The following PPHLN1 variants were observed in gnomAD, a reference collection of about 807,000 sequenced individuals.
PPHLN1 encodes the protein periphilin 1.
In PPHLN1, 29 loss-of-function variants were observed where a neutral mutation model predicts 51.3. The observed-to-expected ratio is 0.57, with a 90% CI of 0.42 to 0.77. The LOEUF (loss-of-function observed/expected upper bound fraction) is 0.77, where lower values mean the gene tolerates loss of function less well. Ranked by LOEUF, PPHLN1 falls within the 30% of genes least tolerant of loss-of-function variation. The probability of loss-of-function intolerance (pLI) is 0.00; values close to 1 mark genes in which losing one functional copy is unlikely to be tolerated. For missense variants in PPHLN1, 436 were observed against 438.4 expected (o/e 0.99, Z 0.05); for synonymous variants, 147 against 147.8 (o/e 0.99, Z 0.04).
chr12:42,342,110 C>T (rs1347933249), intron 2 of PPHLN1, among the ~76,000 whole-genome samples: 1 of 152,192 alleles, frequency 6.6e-6, no homozygotes, highest in Non-Finnish European at 1.5e-5. Flanking sequence ...AGAATATCTA[C>T]ACTTCTAGGT....
At chr12:42,430,430 A>G (rs977712656) in intron 9 of PPHLN1, among the ~76,000 whole-genome samples, 4 of 152,208 alleles carry the variant, frequency 2.6e-5, no homozygotes, top group African/African-American at 9.6e-5. Flanking sequence ...TGACCTATCA[A>G]TAACATAGTC....
At chr12:42,433,498 AT>A in intron 9 of PPHLN1, 1 of 234,530 alleles carries the variant, frequency 4.3e-6, no homozygotes, top group Non-Finnish European at 8.4e-6. Context: ...AATTTTTTCT[AT>A]TTTTTAGTAG....
intron 1 of PPHLN1, among the ~76,000 whole-genome samples, chr12:42,334,843 A>G (rs1235914522): frequency 6.6e-6 from 1 of 152,192 alleles, no homozygotes; most frequent in Non-Finnish European, 1.5e-5. Context: ...AGAAGTTGTG[A>G]AGCTACTGCC....
chr12:42,385,222 T>C (rs1422429692), intron 6 of PPHLN1, among the ~76,000 whole-genome samples: 1 of 152,200 alleles, frequency 6.6e-6, no homozygotes, highest in Non-Finnish European at 1.5e-5. Flanking sequence ...CTGAGATCTG[T>C]AGAATAGACA....
intron 9 of PPHLN1, among the ~76,000 whole-genome samples, chr12:42,417,934 T>G (rs1378797755): frequency 4.9e-5 from 2 of 40,792 alleles, no homozygotes; most frequent in African/African-American, 9.0e-5. Context: ...TTTTTTTTGT[T>G]TTTTTTTTGT....
At chr12:42,422,556 T>C (rs1325742019) in intron 9 of PPHLN1, among the ~76,000 whole-genome samples, 1 of 152,246 alleles carries the variant, frequency 6.6e-6, no homozygotes, top group African/African-American at 2.4e-5. Context: ...CTTTCCCTGT[T>C]ATTCTTTCCT....
intron 9 of PPHLN1, among the ~76,000 whole-genome samples, chr12:42,414,770 C>A (rs970311713): frequency 6.6e-6 from 1 of 152,186 alleles, no homozygotes; most frequent in African/African-American, 2.4e-5. Context: ...CCCTTTATTT[C>A]TTTCGCTTGC....
At chr12:42,382,140 TA>T (rs1283140728) in intron 5 of PPHLN1, among the ~76,000 whole-genome samples, 1 of 152,188 alleles carries the variant, frequency 6.6e-6, no homozygotes, top group African/African-American at 2.4e-5. Flanking sequence ...AGTGTATTTC[TA>T]AAAGATCCTG....
chr12:42,406,492 A>G (rs1048226369), intron 9 of PPHLN1, among the ~76,000 whole-genome samples: 1 of 152,202 alleles, frequency 6.6e-6, no homozygotes, highest in Non-Finnish European at 1.5e-5. Flanking sequence ...CATGTTATGT[A>G]TCTCCTTATG....
chr12:42,386,263 C>G (rs2077183279), intron 6 of PPHLN1, among the ~76,000 whole-genome samples: 1 of 152,194 alleles, frequency 6.6e-6, no homozygotes, highest in Non-Finnish European at 1.5e-5. Context: ...CCACTTGTGA[C>G]AGTCAAAAAT....
intron 9 of PPHLN1, among the ~76,000 whole-genome samples, chr12:42,417,943 G>GTTTTTTTTTT (rs371302578): frequency 2.9e-3 from 252 of 88,282 alleles, no homozygotes; most frequent in Non-Finnish European, 4.1e-3. Context: ...TTTTTTTTTT[G>GTTTTTTTTTT]TTTTTTTTTT....
intron 4 of PPHLN1, chr12:42,359,449 G>C (rs1360831171): frequency 6.6e-6 from 1 of 152,222 alleles, no homozygotes; most frequent in East Asian, 1.9e-4. Context: ...GCAGGGAATA[G>C]AGAGTATTTG....
intron 9 of PPHLN1, among the ~76,000 whole-genome samples, chr12:42,418,244 C>T (rs1473048851): frequency 1.6e-5 from 2 of 121,584 alleles, no homozygotes; most frequent in Non-Finnish European, 1.6e-5. Flanking sequence ...TTTTAATCAA[C>T]GCAGGAAATG....
intron 5 of PPHLN1, 180 bp downstream of exon 5, chr12:42,375,254 C>T (rs1261101449): frequency 4.0e-5 from 14 of 348,118 alleles, no homozygotes; most frequent in Non-Finnish European, 7.3e-5. Context: ...ACATTTTTTT[C>T]AAACTATTTG....
intron 8 of PPHLN1, among the ~76,000 whole-genome samples, chr12:42,394,897 G>T (rs767561654): frequency 5.3e-5 from 8 of 151,892 alleles, no homozygotes; most frequent in South Asian, 2.1e-4. Flanking sequence ...TGCTGCTTTG[G>T]AATATTGGTA....
chr12:42,423,839 G>C (rs1455314535), intron 9 of PPHLN1, among the ~76,000 whole-genome samples: 1 of 152,054 alleles, frequency 6.6e-6, no homozygotes, highest in Non-Finnish European at 1.5e-5. Context: ...ACCACACCCA[G>C]CTAATTTTTA....
At position 42,432,458 on chromosome 12, in the gene PPHLN1, A is replaced by C. The variant is rs1441466000; in HGVS notation, c.910-8857A>C. On this transcript the variant is annotated intron_variant, in intron 9 of 9. Coordinates refer to ENST00000358314, the MANE Select transcript of PPHLN1 (RefSeq NM_201439.2). The stretch of plus-strand genomic sequence containing the variant: ...TGGAATCATACTGTCTTCTCTGGGT[A>C]GTTTATTTTCACTGTCCCCTTCAAT... Among the ~76,000 whole-genome samples, 3 of 152,192 alleles carry C rather than the reference A, an allele frequency of 2.0e-5. No individual in the cohort carries two copies. In the East Asian group the frequency reaches 5.8e-4, roughly 29 times the overall value.
At chr12:42,431,823 A>T in intron 9 of PPHLN1, 1 of 1,344,460 alleles carries the variant, frequency 7.4e-7, no homozygotes, top group South Asian at 1.2e-5. Context: ...ATGCTCTTCA[A>T]TCACATATTT....
At chr12:42,346,586 G>C (rs376765518) in intron 2 of PPHLN1, among the ~76,000 whole-genome samples, 1 of 152,226 alleles carries the variant, frequency 6.6e-6, no homozygotes, top group East Asian at 1.9e-4. Flanking sequence ...TGATTTCATC[G>C]CCTTTGGGTA....
Sources: gnomAD v4.1 joint callset for allele counts (sites outside exome capture counted in the v4.1 genomes callset) on GRCh38, gnomAD v4.1.1 for gene constraint, MANE v1.5 for transcripts, NCBI Gene and HGNC (gene_info 2026-07-23, HGNC 2026-07-21) for gene names.